GABRB1: variants seen among roughly 807,000 people sequenced by gnomAD.
GABRB1 encodes gamma-aminobutyric acid receptor subunit beta-1.
A neutral mutation model predicts 51.6 loss-of-function variants in GABRB1; 17 were observed. That is an observed-to-expected ratio of 0.33 (90% CI 0.23 to 0.49). The LOEUF is 0.49. Among genes scored for constraint, GABRB1 ranks in the 20% least tolerant of loss-of-function variants. The probability of loss-of-function intolerance (pLI) is 0.99; values close to 1 mark genes in which losing one functional copy is unlikely to be tolerated. For synonymous variants in GABRB1, 247 were observed against 218.9 expected, an observed-to-expected ratio of 1.13 and a Z score of -1.14; for missense variants, 410 against 600.6, an observed-to-expected ratio of 0.68 and a Z score of 3.32.
At chr4:47,241,429 G>A (rs1345713987) in intron 4 of GABRB1, among the ~76,000 whole-genome samples, 1 of 152,088 alleles carries the variant, frequency 6.6e-6, no homozygotes, top group Admixed American at 6.5e-5. Flanking sequence ...GACCACAAAT[G>A]TGCTTTTCCC....
At chr4:47,164,485 C>G (rs979042951) in intron 4 of GABRB1, among the ~76,000 whole-genome samples, 6 of 152,030 alleles carry the variant, frequency 3.9e-5, no homozygotes, top group Non-Finnish European at 5.9e-5. Flanking sequence ...AATCAAACTT[C>G]TTGTCTTATT....
intron 4 of GABRB1, among the ~76,000 whole-genome samples, chr4:47,279,476 T>C (rs985112128): frequency 1.3e-5 from 2 of 152,200 alleles, no homozygotes; most frequent in Non-Finnish European, 2.9e-5. Flanking sequence ...AATGCATTTC[T>C]TGTTGGAAAG....
At chr4:47,294,343 C>A (rs1320437916) in intron 4 of GABRB1, among the ~76,000 whole-genome samples, 3 of 152,210 alleles carry the variant, frequency 2.0e-5, no homozygotes, top group Non-Finnish European at 4.4e-5. Flanking sequence ...AGGGAGTTCC[C>A]TTTCCTAGTC....
chr4:47,052,822 C>A (rs1180319774), intron 3 of GABRB1, among the ~76,000 whole-genome samples: 2 of 152,082 alleles, frequency 1.3e-5, no homozygotes, highest in Non-Finnish European at 2.9e-5. Context: ...TCCAATGGAT[C>A]TAAAAACTGA....
Position 47,282,095 on chromosome 4 carries a change from G to C in GABRB1, c.462-38032G>C, listed in dbSNP as rs188042345. On this transcript the variant is annotated intron_variant, in intron 4 of 8. Transcript: ENST00000295454. ...AAAATGATTGATATGCTAATTAATT[G>C]ATTGACTCTTTCTATAATAGAAGCA... is the stretch of plus-strand genomic sequence containing the variant. Among the ~76,000 whole-genome samples the C allele has an allele frequency of 1.2e-3, 176 of 152,048 alleles. 2 individuals are homozygous for C. Among genetic ancestry groups the C allele is most frequent in the Non-Finnish European group, 2.2e-3 (152 of 67,994 alleles).
At chr4:47,146,442 A>G (rs1717174885) in intron 3 of GABRB1, among the ~76,000 whole-genome samples, 2 of 152,068 alleles carry the variant, frequency 1.3e-5, no homozygotes, top group Admixed American at 1.3e-4. Flanking sequence ...TTGATAAAAT[A>G]TGAAATGACA....
intron 2 of GABRB1, 148 bp downstream of exon 2, chr4:47,032,153 C>CAA (rs1307021152): frequency 1.3e-5 from 9 of 690,484 alleles, no homozygotes; most frequent in Non-Finnish European, 2.0e-5. Flanking sequence ...CACACACACA[C>CAA]ACACACACCC....
At chr4:47,073,082 A>G (rs148412989) in intron 3 of GABRB1, among the ~76,000 whole-genome samples, 2,251 of 152,300 alleles carry the variant, frequency 0.015, 57 homozygotes, top group African/African-American at 0.05. Flanking sequence ...TGTGTCTACA[A>G]TTGGATTAAA....
At chr4:47,026,115 A>G (rs1725083599) in intron 1 of GABRB1, among the ~76,000 whole-genome samples, 2 of 152,014 alleles carry the variant, frequency 1.3e-5, no homozygotes, top group Non-Finnish European at 2.9e-5. Context: ...AGGAAGTTTG[A>G]GATCAGCTTA....
At chr4:47,206,409 A>T (rs1476976465) in intron 4 of GABRB1, among the ~76,000 whole-genome samples, 3 of 152,110 alleles carry the variant, frequency 2.0e-5, no homozygotes, top group Non-Finnish European at 4.4e-5. Context: ...CCTCTTTCAA[A>T]GGTATATCTA....
intron 3 of GABRB1, among the ~76,000 whole-genome samples, chr4:47,104,570 T>A (rs916734798): frequency 6.6e-6 from 1 of 151,730 alleles, no homozygotes; most frequent in Admixed American, 6.6e-5. Context: ...ATACATTAGA[T>A]CATTTTATGT....
In GABRB1 at chr4:47,426,040, T is replaced by C. The variant is rs769161799; in HGVS notation, c.*22T>C. On this transcript the variant is annotated 3_prime_UTR_variant, in exon 9 of 9. Coordinates refer to ENST00000295454, the MANE Select transcript of GABRB1 (RefSeq NM_000812.4). ...CTGAGGTCTGTTCTAATGGTTCCAT[T>C]TAGACTACTTTCCTCTTCTATTGTT... is the stretch of plus-strand genomic sequence containing the variant. 6.6e-7 allele frequency: 1 copy of C among 1,505,824 alleles called. No individual in the cohort carries two copies. Among genetic ancestry groups the C allele is most frequent in the Non-Finnish European group, 8.9e-7 (1 of 1,118,320 alleles). The allele number at this position is 1,505,824 out of a possible 1,614,324, so 93.3% of individuals were successfully genotyped here. A position where few individuals can be genotyped will look rare whatever the true frequency, so the allele number is the denominator to read the frequency against.
chr4:47,102,582 C>T (rs1055226995), intron 3 of GABRB1, among the ~76,000 whole-genome samples: 3 of 151,794 alleles, frequency 2.0e-5, no homozygotes, highest in Admixed American at 6.6e-5. Flanking sequence ...AGTCCTGAAG[C>T]ACAGGTGGGA....
At chr4:47,280,399 A>T (rs1197896959) in intron 4 of GABRB1, among the ~76,000 whole-genome samples, 1 of 151,436 alleles carries the variant, frequency 6.6e-6, no homozygotes, top group Non-Finnish European at 1.5e-5. Context: ...TGCCCTTTAT[A>T]CTAGAGATAT....
chr4:47,106,634 A>G (rs1560537170), intron 3 of GABRB1, among the ~76,000 whole-genome samples: 1 of 151,988 alleles, frequency 6.6e-6, no homozygotes, highest in South Asian at 2.1e-4. Context: ...GGTTTGGTCT[A>G]CATTAGCCTT....
chr4:47,334,139 G>A (rs1381265625), intron 5 of GABRB1, among the ~76,000 whole-genome samples: 2 of 152,186 alleles, frequency 1.3e-5, no homozygotes, highest in Non-Finnish European at 2.9e-5. Flanking sequence ...TGGGGCCTGA[G>A]AGTCTGTATT....
At chr4:47,283,301 A>AGGATTC (rs1287778000) in intron 4 of GABRB1, among the ~76,000 whole-genome samples, 1 of 137,690 alleles carries the variant, frequency 7.3e-6, no homozygotes, top group Non-Finnish European at 1.5e-5. Flanking sequence ...TGAGGGAAAG[A>AGGATTC]GGATTCGTTC....
chr4:47,285,964 A>G (rs928609410), intron 4 of GABRB1, among the ~76,000 whole-genome samples: 1 of 152,248 alleles, frequency 6.6e-6, no homozygotes, highest in Non-Finnish European at 1.5e-5. Flanking sequence ...AATTTGCAAT[A>G]CATATGATTT....
At chr4:47,380,723 A>G (rs184148999) in intron 5 of GABRB1, among the ~76,000 whole-genome samples, 3 of 152,274 alleles carry the variant, frequency 2.0e-5, no homozygotes, top group Admixed American at 2.0e-4. Flanking sequence ...ATAGAATTCT[A>G]TTATGGTTTT....
Sources: gnomAD v4.1 joint callset for allele counts (sites outside exome capture counted in the v4.1 genomes callset) on GRCh38, gnomAD v4.1.1 for gene constraint, MANE v1.5 for transcripts, NCBI Gene and HGNC (gene_info 2026-07-23, HGNC 2026-07-21) for gene names.